Variants in PDCD1LG2 observed in about 807,000 individuals in gnomAD.
PDCD1LG2 encodes B7 dendritic cell molecule.
PDCD1LG2 carries 32 observed loss-of-function variants against 28.2 expected under a neutral mutation model. The ratio of observed to expected loss-of-function variants is 1.13; its 90% CI spans 0.86 to 1.52. The LOEUF is 1.52. PDCD1LG2 is among the 40% of genes most tolerant of loss of function. The pLI, the probability that PDCD1LG2 is intolerant of heterozygous loss-of-function variation, is 0.00. For missense variants in PDCD1LG2, 385 were observed against 323.8 expected, an observed-to-expected ratio of 1.19 and a Z score of -1.45; for synonymous variants, 116 against 120.2, an observed-to-expected ratio of 0.97 and a Z score of 0.23.
chr9:5,564,154 A>G (rs1816619892), intron 6 of PDCD1LG2, among the ~76,000 whole-genome samples: 1 of 152,158 alleles, frequency 6.6e-6, no homozygotes, highest in Non-Finnish European at 1.5e-5. Context: ...TAAGTAACCA[A>G]CTACTATTTG....
chr9:5,555,241 C>T (rs568280666), intron 4 of PDCD1LG2, among the ~76,000 whole-genome samples: 102 of 152,134 alleles, frequency 6.7e-4, no homozygotes, highest in Non-Finnish European at 9.6e-4. Context: ...CATGGTGAAA[C>T]CCCGTCTCTA....
chr9:5,557,532 T>C (rs1413307113), intron 4 of PDCD1LG2, 86 bp from the exon 5 acceptor site: 2 of 1,470,358 alleles, frequency 1.4e-6, no homozygotes, highest in East Asian at 4.5e-5. Flanking sequence ...CTAGCCGTGT[T>C]GGCTGTCACC....
intron 4 of PDCD1LG2, among the ~76,000 whole-genome samples, chr9:5,551,201 T>C (rs546098988): frequency 6.6e-6 from 1 of 152,212 alleles, no homozygotes; most frequent in African/African-American, 2.4e-5. Flanking sequence ...TAATTTTATT[T>C]ATCCTACTGA....
chr9:5,563,057 A>C (rs1816597367), intron 5 of PDCD1LG2, 105 bp from the exon 6 acceptor site: 6 of 949,614 alleles, frequency 6.3e-6, no homozygotes, highest in South Asian at 1.5e-5. Context: ...GGGCTTCGCT[A>C]TGTGGATTTA....
At chr9:5,528,155 G>A (rs7040898) in intron 2 of PDCD1LG2, among the ~76,000 whole-genome samples, 2,057 of 150,816 alleles carry the variant, frequency 0.014, 45 homozygotes, top group African/African-American at 0.047. Flanking sequence ...TCTAATAGGT[G>A]TGTAGAAGTG....
intron 6 of PDCD1LG2, among the ~76,000 whole-genome samples, chr9:5,568,371 C>A (rs1400288812): frequency 6.6e-6 from 1 of 152,166 alleles, no homozygotes; most frequent in Non-Finnish European, 1.5e-5. Flanking sequence ...GCATTAGATT[C>A]TCATAGAAGC....
At position 5,534,974 on chromosome 9, in the gene PDCD1LG2, G is replaced by A. The variant is rs779295844; in HGVS notation, c.285G>A (p.Arg95=). Residue 95 remains arginine, a synonymous_variant, in exon 3 of 7, where the codon AGG becomes AGA. Transcript: ENST00000397747. ...ASFHIPQVQV[R]DEGQYQCIII... ...TCCACATACCTCAAGTCCAAGTGAG[G>A]GACGAAGGACAGTACCAATGCATAA... The A allele has an allele frequency of 6.2e-7, 1 of 1,614,090 alleles. No individual in the cohort carries two copies. The highest frequency in any genetic ancestry group is 8.5e-7 in the Non-Finnish European group (1 of 1,180,008).
intron 3 of PDCD1LG2, among the ~76,000 whole-genome samples, chr9:5,543,058 C>T (rs1056218738): frequency 1.3e-5 from 2 of 152,070 alleles, no homozygotes; most frequent in African/African-American, 4.8e-5. Context: ...GAAATCATAG[C>T]ATTTGCAGCA....
intron 2 of PDCD1LG2, among the ~76,000 whole-genome samples, chr9:5,527,837 C>CTTT (rs113822135): frequency 1.3e-5 from 2 of 150,642 alleles, no homozygotes; most frequent in African/African-American, 2.4e-5. Context: ...TCTATTTTTT[C>CTTT]TTTTTTTTTG....
intron 2 of PDCD1LG2, among the ~76,000 whole-genome samples, chr9:5,527,327 T>G (rs1451106738): frequency 6.6e-6 from 1 of 152,246 alleles, no homozygotes; most frequent in Non-Finnish European, 1.5e-5. Context: ...CACCCAAGTC[T>G]TAAGTCCAGG....
At position 5,549,325 on chromosome 9, in the gene PDCD1LG2, T is replaced by C; in HGVS notation, c.362-10T>C. The C allele has an allele frequency of 6.2e-7, 1 of 1,605,018 alleles. No homozygotes were observed. The highest frequency in any genetic ancestry group is 8.5e-7 in the Non-Finnish European group (1 of 1,173,210). On this transcript the variant is annotated splice_polypyrimidine_tract_variant and intron_variant, in intron 3 of 6. Coordinates refer to ENST00000397747, the MANE Select transcript of PDCD1LG2 (RefSeq NM_025239.4). ...TAAAGTCTTATTTCTTTTTCTTCTC[T>C]ATTGTCCAGCTTCCTACAGGAAAAT...
At chr9:5,512,400 T>C (rs557288774) in intron 1 of PDCD1LG2, among the ~76,000 whole-genome samples, 2 of 152,270 alleles carry the variant, frequency 1.3e-5, no homozygotes, top group South Asian at 4.1e-4. Flanking sequence ...TGACTTCCAG[T>C]TCTTAGTCTT....
chr9:5,535,370 C>T (rs987231182), intron 3 of PDCD1LG2, among the ~76,000 whole-genome samples: 2 of 152,084 alleles, frequency 1.3e-5, no homozygotes, highest in Admixed American at 6.6e-5. Context: ...ATGGAACATC[C>T]CTGACTTGAT....
At chr9:5,539,809 G>A (rs901095287) in intron 3 of PDCD1LG2, among the ~76,000 whole-genome samples, 1 of 152,184 alleles carries the variant, frequency 6.6e-6, no homozygotes, top group Non-Finnish European at 1.5e-5. Context: ...GATGGGAAGA[G>A]CCAACACCAG....
chr9:5,523,863 G>C (rs1030449630), intron 2 of PDCD1LG2, among the ~76,000 whole-genome samples: 1 of 152,076 alleles, frequency 6.6e-6, no homozygotes, highest in African/African-American at 2.4e-5. Context: ...TGAGATCCTG[G>C]GTTTTCTGTC....
At chr9:5,540,534 T>G (rs1334057369) in intron 3 of PDCD1LG2, among the ~76,000 whole-genome samples, 1 of 152,076 alleles carries the variant, frequency 6.6e-6, no homozygotes, top group Non-Finnish European at 1.5e-5. Context: ...AATGGAGATA[T>G]TACTACTCAT....
At chr9:5,539,882 C>T (rs758315700) in intron 3 of PDCD1LG2, among the ~76,000 whole-genome samples, 8 of 152,184 alleles carry the variant, frequency 5.3e-5, no homozygotes, top group Non-Finnish European at 8.8e-5. Context: ...CTATGCCCTA[C>T]CACAAATAGA....
intron 4 of PDCD1LG2, among the ~76,000 whole-genome samples, chr9:5,554,120 T>A (rs147885349): frequency 6.6e-6 from 1 of 152,344 alleles, no homozygotes; most frequent in Non-Finnish European, 1.5e-5. Context: ...GTAACTATGC[T>A]TGCCTTTTTA....
rs2129920638 is a variant in PDCD1LG2, at chr9:5,557,616, A to G, written c.632-2A>G. 1 of 1,613,950 alleles carries G rather than the reference A, an allele frequency of 6.2e-7. No homozygotes were observed. Among genetic ancestry groups the G allele is most frequent in the Non-Finnish European group, 8.5e-7 (1 of 1,179,874 alleles). On this transcript the variant is annotated splice_acceptor_variant, in intron 4 of 6. Transcript: ENST00000397747. LOFTEE classifies it high-confidence loss of function. ...GGATTCTGGTGCTTTTCCTTTGCCC[A>G]GGTCAGATGGAACCCAGGACCCATC...
Sources: gnomAD v4.1 joint callset for allele counts (sites outside exome capture counted in the v4.1 genomes callset) on GRCh38, gnomAD v4.1.1 for gene constraint, MANE v1.5 for transcripts, NCBI Gene and HGNC (gene_info 2026-07-23, HGNC 2026-07-21) for gene names.